FLG2: variants seen among roughly 807,000 people sequenced by gnomAD.
The protein encoded by FLG2 is filaggrin 2, also known as filaggrin-2.
In FLG2, 7 loss-of-function variants were observed where a neutral mutation model predicts 3.9. The observed-to-expected ratio is 1.79, with a 90% CI of 1.02 to 3.36. The LOEUF (loss-of-function observed/expected upper bound fraction) is 3.36, where lower values mean the gene tolerates loss of function less well. Among genes scored for constraint, FLG2 ranks in the 30% most tolerant of loss-of-function variants. FLG2 has a pLI of 0.00. For missense variants in FLG2, 2,700 were observed against 2,809.4 expected, an observed-to-expected ratio of 0.96 and a Z score of 0.88; for synonymous variants, 1,031 against 1,056.1, an observed-to-expected ratio of 0.98 and a Z score of 0.46.
In FLG2 at chr1:152,356,800, C is replaced by A. The variant is rs759428841; in HGVS notation, c.986G>T (p.Cys329Phe). ...TCCAGAGGGCTGACCTCCTGAGACA[C>A]AGCCATGGCCTTGTCCTCCCTTAAT... The part of the protein sequence containing the change: ...SGIKGGQGHG[C>F]VSGGQPSGCG... The change falls in exon 3 of 3, where the codon TGT (cysteine) becomes TTT (phenylalanine). Residue 329 changes from cysteine (C) to phenylalanine (F), a missense_variant. By Grantham distance (205) the Cys-to-Phe change is radical (BLOSUM62 -2). Coordinates refer to ENST00000388718, the MANE Select transcript of FLG2 (RefSeq NM_001014342.3). 2 of 1,614,224 alleles carry A rather than the reference C, an allele frequency of 1.2e-6. No homozygotes were observed. Among genetic ancestry groups the A allele is most frequent in the Non-Finnish European group, 1.7e-6 (2 of 1,180,036 alleles).
chr1:152,355,693 A>G lies in FLG2; in HGVS notation c.2093T>C (p.Phe698Ser), dbSNP rs1408470215. The G allele has an allele frequency of 1.4e-5, 23 of 1,602,748 alleles. No individual in the cohort carries two copies. Among genetic ancestry groups the G allele is most frequent in the Middle Eastern group, 1.7e-4 (1 of 5,988 alleles). The change falls in exon 3 of 3, where the codon TTT becomes TCT. Residue 698 changes from phenylalanine to serine, a missense_variant. Phe to Ser is a radical substitution (Grantham distance 155, BLOSUM62 -2). Coordinates refer to ENST00000388718, the MANE Select transcript of FLG2 (RefSeq NM_001014342.3). ...ATAGCCAGATGATTGACTTGAGCCA[A>G]AACCATGTTGGCCATAGCTAGAATG... Reference protein sequence around the residue: ...SGHSSYGQHGFGSSQSSGYGQ... With the variant: ...SGHSSYGQHGSGSSQSSGYGQ...
Position 152,352,072 on chromosome 1 carries a change from C to A in FLG2, c.5714G>T (p.Arg1905Met), listed in dbSNP as rs759156967. ...THSGHTHSQA[R>M]SQHGESESTV... Reference sequence around the variant, plus strand: ...GGATTCTGACTCTCCATGTTGAGACCTGGCTTGGCTGTGTGTGTGTCCTGA... The same window carrying A: ...GGATTCTGACTCTCCATGTTGAGACATGGCTTGGCTGTGTGTGTGTCCTGA... The change falls in exon 3 of 3, where the codon AGG becomes ATG. Residue 1905 changes from arginine to methionine, a missense_variant. By Grantham distance (91) the Arg-to-Met change is moderately conservative. Coordinates refer to ENST00000388718, the MANE Select transcript of FLG2 (RefSeq NM_001014342.3). 1.7e-5 allele frequency: 28 copies of A among 1,613,510 alleles called. No individual in the cohort carries two copies. Among genetic ancestry groups the A allele is most frequent in the Non-Finnish European group, 2.3e-5 (27 of 1,179,916 alleles).
chr1:152,359,569 T>G (rs1222033119), intron 1 of FLG2, among the ~76,000 whole-genome samples: 1 of 152,116 alleles, frequency 6.6e-6, no homozygotes, highest in East Asian at 1.9e-4. Context: ...AACTAGTGGA[T>G]AATTAGATCT....
chr1:152,357,186 G>A lies in FLG2; in HGVS notation c.600C>T (p.Ser200=). The A allele has an allele frequency of 8.1e-6, 13 of 1,614,138 alleles. No individual in the cohort carries two copies. Among genetic ancestry groups the A allele is most frequent in the Non-Finnish European group, 1.1e-5 (13 of 1,180,010 alleles). The change falls in exon 3 of 3, where the codon AGC becomes AGT. Residue 200 remains serine, a synonymous_variant. Coordinates refer to ENST00000388718, the MANE Select transcript of FLG2 (RefSeq NM_001014342.3). ...WSGGKDRHGS[S]SVELRERINK... ...TTATTCTTTCTCTCAGTTCTACAGA[G>A]CTGGAACCATGTCTGTCTTTGCCAC...
Position 152,357,631 on chromosome 1 carries a change from T to C in FLG2, c.155A>G (p.Asp52Gly), listed in dbSNP as rs1318572018. The C allele has an allele frequency of 1.2e-6, 2 of 1,612,114 alleles. No individual in the cohort carries two copies. Among genetic ancestry groups the C allele is most frequent in the South Asian group, 2.2e-5 (2 of 90,686 alleles). The change falls in exon 3 of 3, where the codon GAC (aspartate) becomes GGC (glycine). Residue 52 changes from aspartate (D) to glycine (G), a missense_variant. Asp to Gly is a moderately conservative substitution (Grantham distance 94). Transcript: ENST00000388718. ...CATATGCATGATGACATCCACTGTG[T>C]CTGGATCATCTGGGTTCTGTATATG... ...HPVLKNPDDP[D>G]TVDVIMHMLD...
At chr1:152,359,019 A>C in intron 1 of FLG2, 113 bp from the exon 2 acceptor site, 46 of 975,118 alleles carry the variant, frequency 4.7e-5, no homozygotes, top group Non-Finnish European at 6.1e-5. Context: ...TTTAAATCTC[A>C]AAACGTAAGA....
chr1:152,352,176 G>T lies in FLG2; in HGVS notation c.5610C>A (p.Ser1870=), dbSNP rs751624369. ...CAGATCTCCTTCTTCCAGTTGTACTGGATCCTGACTGTGTGGACTGTCCAT... is the reference window on the plus strand; with the variant it reads ...CAGATCTCCTTCTTCCAGTTGTACTTGATCCTGACTGTGTGGACTGTCCAT... ...SGHGQSTQSG[S]STTGRRRSGH... Residue 1870 remains serine (S), a synonymous_variant, in exon 3 of 3, where the codon TCC becomes TCA. Coordinates refer to ENST00000388718, the MANE Select transcript of FLG2 (RefSeq NM_001014342.3). 5 of 1,613,596 alleles carry T rather than the reference G, an allele frequency of 3.1e-6. No individual in the cohort carries two copies. The highest frequency in any genetic ancestry group is 1.7e-5 in the Admixed American group (1 of 59,960).
chr1:152,350,799 C>T lies in FLG2; in HGVS notation c.6987G>A (p.Gln2329=). ...GCCTTTGCCTTTCACTACTATGTGA[C>T]TGAAAATGACTTGCTCTACTAGATC... ...GSRSSRASHF[Q]SHSSERQRHG... Residue 2329 remains glutamine, a synonymous_variant, in exon 3 of 3, where the codon CAG becomes CAA. Coordinates refer to ENST00000388718, the MANE Select transcript of FLG2 (RefSeq NM_001014342.3). 1 of 1,614,198 alleles carries T rather than the reference C, an allele frequency of 6.2e-7. No homozygotes were observed. The highest frequency in any genetic ancestry group is 1.3e-5 in the African/African-American group (1 of 75,044).
chr1:152,352,124 C>T lies in FLG2; in HGVS notation c.5662G>A (p.Val1888Met), dbSNP rs1489203381. The T allele has an allele frequency of 1.9e-6, 3 of 1,613,708 alleles. No homozygotes were observed. Among genetic ancestry groups the T allele is most frequent in the Non-Finnish European group, 2.5e-6 (3 of 1,179,910 alleles). ...TGTGTATGTGAGCCCCCTGAGTGCA[C>T]TTCACTGTCACTGGACTCACTGTGG... ...SGHSESSDSEVHSGGSHTHSG... is the reference protein window; with the variant it reads ...SGHSESSDSEMHSGGSHTHSG... The change falls in exon 3 of 3, where the codon GTG becomes ATG. Residue 1888 changes from valine to methionine, a missense_variant. By Grantham distance (21) the Val-to-Met change is conservative. Coordinates refer to ENST00000388718, the MANE Select transcript of FLG2 (RefSeq NM_001014342.3).
At position 152,357,228 on chromosome 1, in the gene FLG2, A is replaced by G; in HGVS notation, c.558T>C (p.Cys186=). Residue 186 remains cysteine, a synonymous_variant, in exon 3 of 3, where the codon TGT becomes TGC. Transcript: ENST00000388718. The part of the protein sequence containing the change: ...GSQKRYHRSS[C]GHSWSGGKDR... Reference sequence around the variant, plus strand: ...CTTTGCCACCACTCCATGAATGACCACAGCTGGACCTGTGGTATCTTTTCT... The same window carrying G: ...CTTTGCCACCACTCCATGAATGACCGCAGCTGGACCTGTGGTATCTTTTCT... 6.2e-7 allele frequency: 1 copy of G among 1,614,174 alleles called. No homozygotes were observed. Among genetic ancestry groups the G allele is most frequent in the South Asian group, 1.1e-5 (1 of 91,078 alleles).
rs1217475322 is a variant in FLG2 at position 152,352,359 on chromosome 1, A to G, written c.5427T>C (p.Ser1809=). The G allele has an allele frequency of 6.2e-7, 1 of 1,613,120 alleles. No individual in the cohort carries two copies. Among genetic ancestry groups the G allele is most frequent in the East Asian group, 2.2e-5 (1 of 44,782 alleles). ...RSSGHSEYSD[S]EGHSGFSQRP... ...TTTGTGAGAACCCTGAGTGCCCTTC[A>G]CTGTCACTGTACTCACTGTGGCCAG... The change falls in exon 3 of 3, where the codon AGT becomes AGC. Residue 1809 remains serine (S), a synonymous_variant. Coordinates refer to ENST00000388718, the MANE Select transcript of FLG2 (RefSeq NM_001014342.3).
At position 152,355,820 on chromosome 1, in the gene FLG2, C is replaced by A; in HGVS notation, c.1966G>T (p.Gly656Cys). The A allele has an allele frequency of 6.2e-7, 1 of 1,613,234 alleles. No individual in the cohort carries two copies. Among genetic ancestry groups the A allele is most frequent in the African/African-American group, 1.3e-5 (1 of 74,712 alleles). ...GSGSSQSTGF[G>C]QYGSGSGQSS... ...TGACCTGAGCCTGATCCATATTGGC[C>A]AAAGCCAGTGGATTGACTTGAGCCT... Residue 656 changes from glycine to cysteine, a missense_variant, in exon 3 of 3, where the codon GGC (glycine) becomes TGC (cysteine). Physicochemically the swap from Gly to Cys is radical, Grantham distance 159. Transcript: ENST00000388718.
In FLG2 at chr1:152,353,787, T is replaced by C. The variant is rs748131262; in HGVS notation, c.3999A>G (p.Thr1333=). ...RHGHSGHGQS[T]QTGSRTSGRQ... ...TTCCAGATGTTCTGGAACCTGTCTG[T>C]GTAGACTGTCCATGACCAGAATGGC... Residue 1333 remains threonine, a synonymous_variant, in exon 3 of 3, where the codon ACA becomes ACG. Coordinates refer to ENST00000388718, the MANE Select transcript of FLG2 (RefSeq NM_001014342.3). 2 of 1,614,140 alleles carry C rather than the reference T, an allele frequency of 1.2e-6. No individual in the cohort carries two copies. Among genetic ancestry groups the C allele is most frequent in the South Asian group, 2.2e-5 (2 of 91,080 alleles).
Position 152,353,080 on chromosome 1 carries a change from G to A in FLG2, c.4706C>T (p.Thr1569Ile). 2 of 1,613,532 alleles carry A rather than the reference G, an allele frequency of 1.2e-6. No individual in the cohort carries two copies. Among genetic ancestry groups the A allele is most frequent in the South Asian group, 1.1e-5 (1 of 91,066 alleles). ...EQTTQTGSRT[T>I]GRQRTSHSES... is the part of the protein sequence containing the mutation. ...ACTGTGGCTAGTTCTCTGTCTTCCA[G>A]TTGTCCTGGACCCTGTCTGTGTGGT... is the stretch of plus-strand genomic sequence containing the variant. Residue 1569 changes from threonine to isoleucine, a missense_variant, in exon 3 of 3, where the codon ACT (threonine) becomes ATT (isoleucine). Thr to Ile is a moderately conservative substitution (Grantham distance 89, BLOSUM62 -1). Transcript: ENST00000388718.
Position 152,352,588 on chromosome 1 carries a change from T to G in FLG2, c.5198A>C (p.Asp1733Ala), listed in dbSNP as rs370929609. ...TGAGACTCCTGAGTACCCTTCACTG[T>G]CACTGTACTCACTGTGGCCAGATCC... Reference protein sequence around the residue: ...RRGSGHSEYSDSEGYSGVSHT... With the variant: ...RRGSGHSEYSASEGYSGVSHT... Residue 1733 changes from aspartate to alanine, a missense_variant, in exon 3 of 3, where the codon GAC becomes GCC. Asp to Ala is a moderately radical substitution (Grantham distance 126). Transcript: ENST00000388718. 16 of 1,613,962 alleles carry G rather than the reference T, an allele frequency of 9.9e-6. No individual in the cohort carries two copies. Among genetic ancestry groups the G allele is most frequent in the Non-Finnish European group, 1.1e-5 (13 of 1,179,910 alleles).
Position 152,350,584 on chromosome 1 carries a change from A to G in FLG2, c.*26T>C, listed in dbSNP as rs1244321805. 12 of 1,592,166 alleles carry G rather than the reference A, an allele frequency of 7.5e-6. No individual in the cohort carries two copies. Among genetic ancestry groups the G allele is most frequent in the East Asian group, 2.2e-5 (1 of 44,796 alleles). On this transcript the variant is annotated 3_prime_UTR_variant, in exon 3 of 3. Transcript: ENST00000388718. ...TGTTCTTTTAGTTGCTTTGGATACT[A>G]TAAGGTCAGAACTAGAAAATAACTG... is the stretch of plus-strand genomic sequence containing the variant.
rs1030328900 is a variant in FLG2, at chr1:152,350,479, A to G, written c.*131T>C. ...ACTAGATTCCTGACTTCTTATAATA[A>G]TAGGTCGAGACTGATACTGAGAATC... On this transcript the variant is annotated 3_prime_UTR_variant, in exon 3 of 3. Coordinates refer to ENST00000388718, the MANE Select transcript of FLG2 (RefSeq NM_001014342.3). The G allele has an allele frequency of 5.1e-6, 6 of 1,185,806 alleles. No individual in the cohort carries two copies. The African/African-American group carries it at 7.7e-5, about 15-fold the overall frequency. The allele number at this position is 1,185,806 out of a possible 1,614,324, so 73.5% of individuals were successfully genotyped here.
Position 152,357,663 on chromosome 1 carries a change from A to C in FLG2, c.139-16T>G. On this transcript the variant is annotated splice_polypyrimidine_tract_variant and intron_variant, in intron 2 of 2. Transcript: ENST00000388718. The stretch of plus-strand genomic sequence containing the variant: ...CATCTGGGTTCTGTATATGAGTGAC[A>C]CACCAAGGGAGACCTGGTCAGCCTA... 2.5e-6 allele frequency: 4 copies of C among 1,589,184 alleles called. No individual in the cohort carries two copies. The highest frequency in any genetic ancestry group is 3.4e-6 in the Non-Finnish European group (4 of 1,164,862).
chr1:152,350,526 C>A lies in FLG2; in HGVS notation c.*84G>T. On this transcript the variant is annotated 3_prime_UTR_variant, in exon 3 of 3. Transcript: ENST00000388718. ...AATCAACTGAATGTTCATAACTTAC[C>A]ATTGACTGTTCATGATTTAAACTGT... is the stretch of plus-strand genomic sequence containing the variant. The A allele has an allele frequency of 1.3e-6, 2 of 1,486,584 alleles. No individual in the cohort carries two copies. Among genetic ancestry groups the A allele is most frequent in the East Asian group, 2.3e-5 (1 of 43,822 alleles). 92.1% of individuals were successfully genotyped at this position (1,486,584 alleles called of 1,614,324 possible).
Sources: allele counts gnomAD v4.1 joint callset (sites outside exome capture counted in the v4.1 genomes callset), GRCh38; gene constraint gnomAD v4.1.1; transcripts MANE v1.5; gene names NCBI Gene and HGNC (gene_info 2026-07-23, HGNC 2026-07-21).